Variants in PPP2R5E observed in about 807,000 individuals in gnomAD.
PPP2R5E encodes serine/threonine-protein phosphatase 2A 56 kDa regulatory subunit epsilon isoform.
In PPP2R5E, 4 loss-of-function variants were observed where a neutral mutation model predicts 65.3. That is an observed-to-expected ratio of 0.06 (90% CI 0.03 to 0.14). PPP2R5E has a LOEUF of 0.14. PPP2R5E is among the 10% of genes least tolerant of loss of function. The pLI is 1.00. For missense variants in PPP2R5E, 274 were observed against 556.1 expected, an observed-to-expected ratio of 0.49 and a Z score of 5.10; for synonymous variants, 183 against 187.4, an observed-to-expected ratio of 0.98 and a Z score of 0.19.
At chr14:63,399,437 T>C (rs781673153) in intron 5 of PPP2R5E, among the ~76,000 whole-genome samples, 3 of 124,540 alleles carry the variant, frequency 2.4e-5, no homozygotes, top group African/African-American at 9.2e-5. Flanking sequence ...TGGAGTGCAG[T>C]GGCGCTATCT....
At chr14:63,460,233 C>T (rs1302624007) in intron 2 of PPP2R5E, among the ~76,000 whole-genome samples, 2 of 152,140 alleles carry the variant, frequency 1.3e-5, no homozygotes, top group Non-Finnish European at 2.9e-5. Flanking sequence ...TTAGGTGTAG[C>T]CACTATTAAT....
In PPP2R5E at chr14:63,372,912, T is replaced by C. The variant is rs1376729682; in HGVS notation, c.*3097A>G. On this transcript the variant is annotated 3_prime_UTR_variant, in exon 14 of 14. Transcript: ENST00000337537. ...GAGTATCCAGTGGCATCGAGGGTAT[T>C]ATTTATTTCTTTTTTTTTCTTTTCT... 1.3e-5 allele frequency: 2 copies of C among 152,128 alleles called. No homozygotes were observed. The highest frequency in any genetic ancestry group is 2.1e-4 in the South Asian group (1 of 4,824). The allele number at this position is 152,128 out of a possible 1,614,324, so 9.4% of individuals were successfully genotyped here.
At chr14:63,466,284 A>C (rs932628254) in intron 2 of PPP2R5E, among the ~76,000 whole-genome samples, 28 of 150,418 alleles carry the variant, frequency 1.9e-4, no homozygotes, top group South Asian at 8.3e-4. Context: ...AAAAAAAAAA[A>C]AACAACAACA....
chr14:63,439,023 A>T (rs1428285348), intron 3 of PPP2R5E, among the ~76,000 whole-genome samples: 1 of 152,142 alleles, frequency 6.6e-6, no homozygotes, highest in Non-Finnish European at 1.5e-5. Flanking sequence ...AACTTCATAG[A>T]GAGTTTGAAA....
chr14:63,374,634 G>GATTATATATATATATATAT lies in PPP2R5E; in HGVS notation c.*1374_*1375insATATATATATATATATAAT, dbSNP rs1555353678. Reference sequence around the variant, plus strand: ...TAAATACAAAGCAGAGAGCCAATAAGATATATATATATATATATATATATA... The same window carrying GATTATATATATATATATAT: ...TAAATACAAAGCAGAGAGCCAATAAGATTATATATATATATATATATATATATATATATATATATATATA... On this transcript the variant is annotated 3_prime_UTR_variant, in exon 14 of 14. Transcript: ENST00000337537. The GATTATATATATATATATAT allele has an allele frequency of 3.0e-3, 327 of 109,462 alleles. 31 individuals are homozygous for GATTATATATATATATATAT. The highest frequency in any genetic ancestry group is 0.015 in the African/African-American group (312 of 20,566). 6.8% of individuals were successfully genotyped at this position (109,462 alleles called of 1,614,324 possible).
At chr14:63,466,779 GTATACATACA>G (rs1889828231) in intron 2 of PPP2R5E, among the ~76,000 whole-genome samples, 3 of 152,022 alleles carry the variant, frequency 2.0e-5, no homozygotes, top group African/African-American at 7.3e-5. Context: ...ATACATATGT[GTATACATACA>G]TATGTGTATG....
In PPP2R5E at chr14:63,522,647, G is replaced by A. The variant is rs1288093112; in HGVS notation, c.157+16882C>T. Among the ~76,000 whole-genome samples the A allele has an allele frequency of 4.0e-5, 6 of 149,528 alleles. No homozygotes were observed. The East Asian group carries it at 1.0e-3, about 25-fold the overall frequency. ...TCTACCCGTCCGCGACCCCGTCTGG[G>A]AGGAGAGGAGCGTCTCTGCCCGGCC... is the stretch of plus-strand genomic sequence containing the variant. On this transcript the variant is annotated intron_variant, in intron 2 of 13. Coordinates refer to ENST00000337537, the MANE Select transcript of PPP2R5E (RefSeq NM_006246.5).
intron 2 of PPP2R5E, among the ~76,000 whole-genome samples, chr14:63,464,271 G>A (rs370202032): frequency 4.6e-5 from 7 of 152,266 alleles, no homozygotes; most frequent in Admixed American, 2.6e-4. Context: ...CATGTTATAC[G>A]GTGTATGCTA....
chr14:63,459,752 C>G (rs1889352674), intron 2 of PPP2R5E, among the ~76,000 whole-genome samples: 1 of 152,164 alleles, frequency 6.6e-6, no homozygotes, highest in Non-Finnish European at 1.5e-5. Flanking sequence ...CAGTATGTCA[C>G]TACGGTTAAA....
At chr14:63,471,335 C>T (rs1594912113) in intron 2 of PPP2R5E, among the ~76,000 whole-genome samples, 1 of 152,226 alleles carries the variant, frequency 6.6e-6, no homozygotes, top group Non-Finnish European at 1.5e-5. Context: ...AGGATCTTGA[C>T]TATAAGCAAT....
intron 2 of PPP2R5E, among the ~76,000 whole-genome samples, chr14:63,529,657 G>A (rs1198960575): frequency 1.2e-4 from 18 of 152,074 alleles, no homozygotes; most frequent in African/African-American, 4.1e-4. Flanking sequence ...GATTACAGGC[G>A]TGAGCCACTG....
rs1883936974 is a variant in PPP2R5E at position 63,375,474 on chromosome 14, C to T, written c.*535G>A. On this transcript the variant is annotated 3_prime_UTR_variant, in exon 14 of 14. Coordinates refer to ENST00000337537, the MANE Select transcript of PPP2R5E (RefSeq NM_006246.5). The stretch of plus-strand genomic sequence containing the variant: ...TTTTATAATTCATGACCCCATTCCA[C>T]GTGGACATTCAACTCAGGAAGATGT... 1.3e-5 allele frequency: 2 copies of T among 152,568 alleles called. No individual in the cohort carries two copies. Among genetic ancestry groups the T allele is most frequent in the Admixed American group, 6.5e-5 (1 of 15,274 alleles). The allele number at this position is 152,568 out of a possible 1,614,324, so 9.5% of individuals were successfully genotyped here.
At chr14:63,461,992 T>C (rs8018000) in intron 2 of PPP2R5E, among the ~76,000 whole-genome samples, 45,463 of 151,814 alleles carry the variant, frequency 0.3, 8,492 homozygotes, top group African/African-American at 0.53. Flanking sequence ...CTCTGAGCCA[T>C]ATTATTCCTT....
At chr14:63,455,157 C>A (rs573685832) in intron 2 of PPP2R5E, among the ~76,000 whole-genome samples, 3 of 152,202 alleles carry the variant, frequency 2.0e-5, no homozygotes, top group Non-Finnish European at 4.4e-5. Context: ...TACAGCACCC[C>A]CCTTACAGCC....
intron 3 of PPP2R5E, among the ~76,000 whole-genome samples, chr14:63,438,894 C>G (rs1008323038): frequency 1.3e-5 from 2 of 151,548 alleles, no homozygotes; most frequent in African/African-American, 4.9e-5. Flanking sequence ...GCAAGTATAT[C>G]AGGAATTCAT....
chr14:63,476,244 C>T (rs1208468014), intron 2 of PPP2R5E, among the ~76,000 whole-genome samples: 1 of 151,898 alleles, frequency 6.6e-6, no homozygotes, highest in Non-Finnish European at 1.5e-5. Flanking sequence ...TCTTCTTTTT[C>T]CCCCCCTTTT....
At chr14:63,382,420 C>CA (rs1158785617) in intron 12 of PPP2R5E, among the ~76,000 whole-genome samples, 1 of 133,094 alleles carries the variant, frequency 7.5e-6, no homozygotes, top group Non-Finnish European at 1.6e-5. Context: ...TTTTTTTTTG[C>CA]AACGGAGTTT....
At chr14:63,440,221 G>A (rs1056594799) in intron 3 of PPP2R5E, among the ~76,000 whole-genome samples, 6 of 152,034 alleles carry the variant, frequency 3.9e-5, no homozygotes, top group South Asian at 4.1e-4. Flanking sequence ...TGAAATACAC[G>A]GCCTTCCTCC....
chr14:63,454,393 T>C (rs576940325), intron 2 of PPP2R5E, among the ~76,000 whole-genome samples: 3 of 152,336 alleles, frequency 2.0e-5, no homozygotes, highest in South Asian at 4.1e-4. Context: ...TTGATCTGTA[T>C]GAAGTTTCTT....
Sources: gnomAD v4.1 joint callset for allele counts (sites outside exome capture counted in the v4.1 genomes callset) on GRCh38, gnomAD v4.1.1 for gene constraint, MANE v1.5 for transcripts, NCBI Gene and HGNC (gene_info 2026-07-23, HGNC 2026-07-21) for gene names.